The following UNC13C variants were observed in gnomAD, a reference collection of about 807,000 sequenced individuals.
The protein encoded by UNC13C is protein unc-13 homolog C.
In UNC13C, 174 loss-of-function variants were observed where a neutral mutation model predicts 245.4. The ratio of observed to expected loss-of-function variants is 0.71; its 90% CI spans 0.63 to 0.80. The LOEUF is 0.80. UNC13C is among the 30% of genes least tolerant of loss of function. The pLI, the probability that UNC13C is intolerant of heterozygous loss-of-function variation, is 0.00. For missense variants in UNC13C, 2,829 were observed against 2,602.9 expected (o/e 1.09, Z -1.89); for synonymous variants, 992 against 895.1 (o/e 1.11, Z -1.93).
intron 30 of UNC13C, among the ~76,000 whole-genome samples, chr15:54,607,605 T>G (rs1048538819): frequency 6.6e-6 from 1 of 152,128 alleles, no homozygotes; most frequent in Non-Finnish European, 1.5e-5. Flanking sequence ...CATGAGGTAA[T>G]TTATGAAGAA....
intron 1 of UNC13C, among the ~76,000 whole-genome samples, chr15:54,009,595 G>T (rs1441191348): frequency 6.7e-6 from 1 of 149,734 alleles, no homozygotes; most frequent in Non-Finnish European, 1.5e-5. Flanking sequence ...TCACCAGGCT[G>T]GAGTGCAGTG....
At chr15:54,217,852 G>A (rs562874092) in intron 4 of UNC13C, among the ~76,000 whole-genome samples, 1 of 151,876 alleles carries the variant, frequency 6.6e-6, no homozygotes, top group Admixed American at 6.6e-5. Flanking sequence ...CTTCTGCCAG[G>A]TCCGTAGGCT....
At chr15:54,016,899 T>C (rs887071942) in intron 2 of UNC13C, among the ~76,000 whole-genome samples, 2 of 152,222 alleles carry the variant, frequency 1.3e-5, no homozygotes, top group Admixed American at 6.5e-5. Flanking sequence ...CATAAAGGTG[T>C]ATATGACCAA....
chr15:54,161,712 A>T (rs2032982697), intron 4 of UNC13C, among the ~76,000 whole-genome samples: 1 of 152,086 alleles, frequency 6.6e-6, no homozygotes, highest in Admixed American at 6.6e-5. Context: ...GCACTTTGGG[A>T]GGCCAGGGTG....
the UNC13C span, among the ~76,000 whole-genome samples, chr15:53,887,206 T>C: frequency 6.6e-6 from 1 of 152,102 alleles, no homozygotes; most frequent in African/African-American, 2.4e-5. Context: ...GGAAACTGTC[T>C]GTACTATCTT....
At chr15:54,625,991 C>T (rs1901116179) in intron 32 of UNC13C, among the ~76,000 whole-genome samples, 1 of 152,030 alleles carries the variant, frequency 6.6e-6, no homozygotes, top group Non-Finnish European at 1.5e-5. Context: ...GTTTAGTTAC[C>T]AGTGTTTCCT....
chr15:53,983,055 G>C (rs182784848), intron 1 of UNC13C, among the ~76,000 whole-genome samples: 40 of 152,166 alleles, frequency 2.6e-4, no homozygotes, highest in African/African-American at 9.6e-4. Flanking sequence ...AGAAGTATTG[G>C]CTTAATTATA....
chr15:53,951,784 A>G, the UNC13C span, among the ~76,000 whole-genome samples: 1 of 152,104 alleles, frequency 6.6e-6, no homozygotes, highest in African/African-American at 2.4e-5. Flanking sequence ...CACATCCTTT[A>G]TTTGTTTTTA....
the UNC13C span, among the ~76,000 whole-genome samples, chr15:53,854,695 T>G: frequency 6.6e-6 from 1 of 152,216 alleles, no homozygotes. Context: ...TTGGTTACTG[T>G]AGCCTTGTGA....
intron 13 of UNC13C, among the ~76,000 whole-genome samples, chr15:54,315,737 A>C (rs1037656842): frequency 6.6e-6 from 1 of 151,604 alleles, no homozygotes; most frequent in African/African-American, 2.4e-5. Context: ...CATTATCCCC[A>C]CCTTCAATTT....
intron 2 of UNC13C, among the ~76,000 whole-genome samples, chr15:54,059,271 G>A (rs935328062): frequency 2.6e-5 from 4 of 152,108 alleles, no homozygotes; most frequent in African/African-American, 9.7e-5. Flanking sequence ...CAAAGCCTCA[G>A]GATACAAAAT....
chr15:54,219,839 G>T (rs1348563344), intron 4 of UNC13C, among the ~76,000 whole-genome samples: 3 of 151,598 alleles, frequency 2.0e-5, no homozygotes. Flanking sequence ...AAAGACACAT[G>T]AAAAAATGCT....
intron 22 of UNC13C, among the ~76,000 whole-genome samples, chr15:54,505,989 G>A (rs1351880954): frequency 6.6e-6 from 1 of 152,068 alleles, no homozygotes; most frequent in Non-Finnish European, 1.5e-5. Flanking sequence ...ATCGTAAAGG[G>A]TATCCAGCTT....
chr15:54,168,758 A>G (rs959913052), intron 4 of UNC13C, among the ~76,000 whole-genome samples: 13 of 152,330 alleles, frequency 8.5e-5, no homozygotes, highest in African/African-American at 2.9e-4. Flanking sequence ...ATTGGAAATA[A>G]AAGTAGAAAA....
At chr15:53,848,765 T>C in the UNC13C span, among the ~76,000 whole-genome samples, 1 of 152,128 alleles carries the variant, frequency 6.6e-6, no homozygotes, top group Non-Finnish European at 1.5e-5. Flanking sequence ...ATAATTATGG[T>C]TTTTAACTAC....
chr15:54,209,870 G>C (rs1437280935), intron 4 of UNC13C, among the ~76,000 whole-genome samples: 1 of 152,008 alleles, frequency 6.6e-6, no homozygotes, highest in Non-Finnish European at 1.5e-5. Flanking sequence ...TTATCTATTA[G>C]GTTGAAATAA....
the UNC13C span, among the ~76,000 whole-genome samples, chr15:53,899,750 G>C: frequency 2.2e-4 from 33 of 152,256 alleles, no homozygotes; most frequent in South Asian, 6.0e-3. Flanking sequence ...TTTTAGTAGA[G>C]AGTGGTTGCT....
At chr15:54,376,990 G>C (rs964306848) in intron 17 of UNC13C, among the ~76,000 whole-genome samples, 9 of 152,190 alleles carry the variant, frequency 5.9e-5, no homozygotes, top group Non-Finnish European at 8.8e-5. Flanking sequence ...GCCAGAAAAG[G>C]AGCAGACACA....
intron 1 of UNC13C, among the ~76,000 whole-genome samples, chr15:53,998,021 T>C (rs1178094036): frequency 6.6e-6 from 1 of 152,128 alleles, no homozygotes; most frequent in Admixed American, 6.6e-5. Context: ...CAGGCTGGTC[T>C]AGAATTCCTG....
Sources: gnomAD v4.1 joint callset for allele counts (sites outside exome capture counted in the v4.1 genomes callset) on GRCh38, gnomAD v4.1.1 for gene constraint, MANE v1.5 for transcripts, NCBI Gene and HGNC (gene_info 2026-07-23, HGNC 2026-07-21) for gene names.